ARSG: variants seen among roughly 807,000 people sequenced by gnomAD.
ARSG encodes the protein arylsulfatase G.
A neutral mutation model predicts 50.5 loss-of-function variants in ARSG; 37 were observed. The observed-to-expected ratio is 0.73, with a 90% CI of 0.56 to 0.96. The LOEUF is 0.96. ARSG is among the 50% of genes least tolerant of loss of function. The probability of loss-of-function intolerance (pLI) is 0.00; values close to 1 mark genes in which losing one functional copy is unlikely to be tolerated. For missense variants in ARSG, 629 were observed against 675.3 expected, an observed-to-expected ratio of 0.93 and a Z score of 0.76; for synonymous variants, 225 against 254.6, an observed-to-expected ratio of 0.88 and a Z score of 1.11.
chr17:68,423,090 GT>G (rs1309474419), downstream of ARSG, among the ~76,000 whole-genome samples: 3 of 152,278 alleles, frequency 2.0e-5, no homozygotes, highest in Non-Finnish European at 4.4e-5. This position sits in a 1 kb window ranked among gnomAD's most constrained non-coding sequence, Gnocchi z 4.4. Flanking sequence ...GCAAGCCTAT[GT>G]TTGTTCGTCA....
intron 6 of ARSG, among the ~76,000 whole-genome samples, chr17:68,360,227 G>A (rs2079219222): frequency 6.6e-6 from 1 of 152,216 alleles, no homozygotes; most frequent in Non-Finnish European, 1.5e-5. Flanking sequence ...CCCGAGTCCT[G>A]TTGGCATTTA....
At chr17:68,401,629 C>T (rs2081478530) in intron 11 of ARSG, among the ~76,000 whole-genome samples, 179 bp downstream of exon 11, 1 of 152,218 alleles carries the variant, frequency 6.6e-6, no homozygotes, top group Non-Finnish European at 1.5e-5. Context: ...CTGGATCCCT[C>T]ATATGCAAAT....
intron 2 of ARSG, among the ~76,000 whole-genome samples, chr17:68,313,762 C>T (rs1236112618): frequency 6.7e-6 from 1 of 150,078 alleles, no homozygotes; most frequent in African/African-American, 2.4e-5. Context: ...TCACTGCAAC[C>T]TCCGCCTCCG....
At chr17:68,336,969 C>G (rs1370892702) in intron 2 of ARSG, among the ~76,000 whole-genome samples, 2 of 152,194 alleles carry the variant, frequency 1.3e-5, no homozygotes, top group African/African-American at 4.8e-5. Flanking sequence ...AACCTTGACT[C>G]TAGCTCCTAA....
At chr17:68,260,823 G>C (rs1484396596) in intron 1 of ARSG, among the ~76,000 whole-genome samples, 2 of 152,014 alleles carry the variant, frequency 1.3e-5, no homozygotes, top group Non-Finnish European at 2.9e-5. Context: ...AAGCTCTTCC[G>C]ACTAGTTGAG....
At chr17:68,426,254 G>GGGGGGGGGGGGGGGGGGGGGT, downstream of ARSG, 1 of 816,924 alleles carries the variant, frequency 1.2e-6, no homozygotes, top group Non-Finnish European at 1.9e-6. Flanking sequence ...GGGAGCGGGG[G>GGGGGGGGGGGGGGGGGGGGGT]CTCAAATAAA....
intron 11 of ARSG, among the ~76,000 whole-genome samples, chr17:68,408,211 T>C (rs2081826859): frequency 6.6e-6 from 1 of 151,796 alleles, no homozygotes; most frequent in South Asian, 2.1e-4. Context: ...GCCATGCTGG[T>C]GTGCTGCACC....
intron 4 of ARSG, 30 bp from the exon 5 acceptor site, chr17:68,351,545 G>A (rs764085548): frequency 3.1e-6 from 4 of 1,304,916 alleles, no homozygotes; most frequent in East Asian, 2.3e-5. Flanking sequence ...GCAGCCACGT[G>A]GGGGTGCTAA....
At chr17:68,409,519 C>T (rs2081907286) in intron 11 of ARSG, among the ~76,000 whole-genome samples, 1 of 152,080 alleles carries the variant, frequency 6.6e-6, no homozygotes, top group East Asian at 1.9e-4. Context: ...GTTTTGGTTA[C>T]TGTAGCCTTG....
intron 1 of ARSG, among the ~76,000 whole-genome samples, chr17:68,259,645 T>C (rs1555744860): frequency 6.6e-6 from 1 of 152,256 alleles, no homozygotes; most frequent in East Asian, 1.9e-4. Flanking sequence ...TTTAATCCAA[T>C]GCATCCAAAA....
At chr17:68,333,561 G>A (rs2077874861) in intron 2 of ARSG, among the ~76,000 whole-genome samples, 1 of 151,832 alleles carries the variant, frequency 6.6e-6, no homozygotes. Flanking sequence ...TCGGGAGGTG[G>A]AGGTTGCAGT....
upstream of ARSG, among the ~76,000 whole-genome samples, chr17:68,288,971 C>G (rs1568421386): frequency 6.6e-6 from 1 of 152,196 alleles, no homozygotes; most frequent in Non-Finnish European, 1.5e-5. Context: ...CCCTAGTGTT[C>G]TTCTGGAGGA....
At chr17:68,350,806 TAAAA>T (rs1405455900) in intron 4 of ARSG, among the ~76,000 whole-genome samples, 4 of 140,314 alleles carry the variant, frequency 2.9e-5, no homozygotes, top group Non-Finnish European at 4.8e-5. Flanking sequence ...TAAAATAAAA[TAAAA>T]TAAATAAATA....
intron 2 of ARSG, among the ~76,000 whole-genome samples, chr17:68,313,209 C>T (rs190768343): frequency 1.4e-4 from 21 of 152,038 alleles, no homozygotes; most frequent in African/African-American, 4.1e-4. Context: ...TGCAGTGAGC[C>T]GAGATTGCGC....
intron 11 of ARSG, among the ~76,000 whole-genome samples, chr17:68,417,288 A>T (rs1430708162): frequency 6.6e-6 from 1 of 152,184 alleles, no homozygotes; most frequent in Non-Finnish European, 1.5e-5. Flanking sequence ...AGCTCTGGTA[A>T]ATTAGTTTCT....
intron 11 of ARSG, among the ~76,000 whole-genome samples, chr17:68,409,439 C>A (rs978555963): frequency 6.6e-6 from 1 of 150,512 alleles, no homozygotes; most frequent in African/African-American, 2.4e-5. Flanking sequence ...TGTAGATATG[C>A]GGCGTTATTC....
At chr17:68,426,254 G>GGCCCCCCCCCCCCCCC, downstream of ARSG, 1 of 816,906 alleles carries the variant, frequency 1.2e-6, no homozygotes, top group Non-Finnish European at 1.9e-6. Context: ...GGGAGCGGGG[G>GGCCCCCCCCCCCCCCC]CTCAAATAAA....
chr17:68,345,352 G>A (rs1444283110), intron 3 of ARSG, among the ~76,000 whole-genome samples: 2 of 152,122 alleles, frequency 1.3e-5, no homozygotes, highest in East Asian at 3.9e-4. Flanking sequence ...GGAAGAGTTA[G>A]GTCCCAGGGC....
chr17:68,332,257 G>A (rs917145357), intron 2 of ARSG, among the ~76,000 whole-genome samples: 4 of 152,194 alleles, frequency 2.6e-5, no homozygotes, highest in Admixed American at 6.5e-5. Context: ...TCTCCTATTT[G>A]CTTTTGAAAG....
Sources: gnomAD v4.1 joint callset for allele counts (sites outside exome capture counted in the v4.1 genomes callset) on GRCh38, gnomAD v4.1.1 for gene constraint, Gnocchi (gnomAD v3.1) non-coding constraint, MANE v1.5 for transcripts, NCBI Gene and HGNC (gene_info 2026-07-23, HGNC 2026-07-21) for gene names.